The following ZNF185 variants were observed in gnomAD, a reference collection of about 807,000 sequenced individuals.
ZNF185 encodes the protein zinc finger protein 185 with LIM domain.
ZNF185 carries 56 observed loss-of-function variants against 58.6 expected under a neutral mutation model. The ratio of observed to expected loss-of-function variants is 0.95; its 90% CI spans 0.77 to 1.19. The LOEUF is 1.19. ZNF185 is among the 50% of genes most tolerant of loss of function. ZNF185 has a pLI of 0.00. For missense variants in ZNF185, 627 were observed against 573.5 expected (o/e 1.09, Z -0.95); for synonymous variants, 230 against 215.9 (o/e 1.07, Z -0.57).
intron 9 of ZNF185, 97 bp from the exon 11 acceptor site, chrX:152,922,076 G>A (rs1603206207): frequency 1.6e-5 from 14 of 897,304 alleles, no homozygotes; most frequent in Non-Finnish European, 2.2e-5. Flanking sequence ...CTGAAGGGTT[G>A]GGTCAGTTAG....
intron 15 of ZNF185, 67 bp from the exon 18 acceptor site, chrX:152,945,200 C>T (rs782727881): frequency 1.9e-4 from 212 of 1,102,908 alleles, no homozygotes; most frequent in Middle Eastern, 1.4e-3. Context: ...AGCCAGCTTG[C>T]GTCCTGGGGC....
At chrX:152,931,743 A>C in exon 13 of ZNF185, 2 of 1,210,014 alleles carry the variant, frequency 1.7e-6, no homozygotes, top group Non-Finnish European at 2.2e-6. Flanking sequence ...GCTGGTGAGG[A>C]GGCTTTCAGG....
exon 20 of ZNF185, chrX:152,967,223 C>A: frequency 8.3e-7 from 1 of 1,210,988 alleles, no homozygotes; most frequent in Non-Finnish European, 1.1e-6. Context: ...TGTGGCAGCA[C>A]TCCATACTCT....
At chrX:152,941,113 G>T (rs370801953) in intron 15 of ZNF185, among the ~76,000 whole-genome samples, 1 of 112,162 alleles carries the variant, frequency 8.9e-6, no homozygotes. Flanking sequence ...CCCAGGTAGA[G>T]ATTTGGATTT....
chrX:152,926,931 G>A (rs782318453), intron 11 of ZNF185, among the ~76,000 whole-genome samples: 3 of 112,604 alleles, frequency 2.7e-5, no homozygotes, highest in Admixed American at 9.4e-5. Flanking sequence ...TTTGTTGCCT[G>A]CAATCCTTGG....
At chrX:152,909,660 C>T (rs377196887), upstream of ZNF185, among the ~76,000 whole-genome samples, 2 of 112,675 alleles carry the variant, frequency 1.8e-5, no homozygotes, top group East Asian at 5.6e-4. Context: ...CCCCTGCCTG[C>T]TCTCCGCTTC....
intron 11 of ZNF185, among the ~76,000 whole-genome samples, chrX:152,928,208 A>G (rs782723540): frequency 9.2e-4 from 103 of 112,358 alleles, no homozygotes; most frequent in Admixed American, 3.6e-3. Flanking sequence ...CCACCAGTCC[A>G]TGAATGCAGA....
chrX:152,952,535 G>A (rs1196082064), intron 16 of ZNF185, among the ~76,000 whole-genome samples: 1 of 111,999 alleles, frequency 8.9e-6, no homozygotes, highest in African/African-American at 3.2e-5. Context: ...AGATCTAATG[G>A]CGAGCCCTCA....
intron 18 of ZNF185, 56 bp from the exon 21 acceptor site, chrX:152,965,391 C>G: frequency 2.7e-6 from 3 of 1,092,977 alleles, no homozygotes; most frequent in Non-Finnish European, 3.7e-6. Flanking sequence ...TGGGCCAGGC[C>G]TGGTTCCCTG....
upstream of ZNF185, among the ~76,000 whole-genome samples, chrX:152,914,021 G>GGCACAC (rs1937807078): frequency 2.7e-5 from 3 of 110,889 alleles, no homozygotes; most frequent in Non-Finnish European, 3.8e-5. Flanking sequence ...CTCTCCACAG[G>GGCACAC]CCATCTGCCT....
At chrX:152,905,834 GGGGACTCCCCTCCCCTCCA>G in the ZNF185 span, among the ~76,000 whole-genome samples, 1 of 105,130 alleles carries the variant, frequency 9.5e-6, no homozygotes, top group Non-Finnish European at 2.0e-5. Context: ...CTCCCCTCCA[GGGGACTCCCCTCCCCTCCA>G]GGGACTCCCC....
the ZNF185 span, among the ~76,000 whole-genome samples, chrX:152,903,896 G>A: frequency 8.2e-3 from 910 of 111,602 alleles, 7 homozygotes; most frequent in Non-Finnish European, 0.012. Context: ...TGCCTTAAAA[G>A]TCTGCCTCCC....
chrX:152,913,886 T>C (rs1937775472), upstream of ZNF185, among the ~76,000 whole-genome samples: 1 of 111,511 alleles, frequency 9.0e-6, no homozygotes, highest in African/African-American at 3.3e-5. Flanking sequence ...TTAACTATCA[T>C]TTTACAAATG....
At chrX:152,934,650 C>A (rs1350410617) in intron 14 of ZNF185, among the ~76,000 whole-genome samples, 5 of 111,862 alleles carry the variant, frequency 4.5e-5, no homozygotes, top group Non-Finnish European at 9.4e-5. Flanking sequence ...CTCCTGTACC[C>A]TTTAAAGCAT....
At chrX:152,906,421 A>G in the ZNF185 span, among the ~76,000 whole-genome samples, 4 of 113,421 alleles carry the variant, frequency 3.5e-5, no homozygotes, top group African/African-American at 1.3e-4. Context: ...GCTTGCAGAC[A>G]GAGCTTTCCT....
rs369157412 is a variant in ZNF185, at chrX:152,922,153, G to A, written c.657-20G>A. Reference sequence around the variant, plus strand: ...GGCAGCCAAGAAGACCACGAGCGCTGTTTCTCTTCTTGCTCAAAGGGTGGA... The same window carrying A: ...GGCAGCCAAGAAGACCACGAGCGCTATTTCTCTTCTTGCTCAAAGGGTGGA... On this transcript the variant is annotated intron_variant, in intron 9 of 22. Transcript: ENST00000449285. 13 of 1,183,073 alleles carry A rather than the reference G, an allele frequency of 1.1e-5. No individual in the cohort carries two copies. In the African/African-American group the frequency reaches 1.4e-4, roughly 13 times the overall value.
chrX:152,939,150 A>G (rs190639023), intron 15 of ZNF185, among the ~76,000 whole-genome samples: 1 of 112,246 alleles, frequency 8.9e-6, no homozygotes, highest in African/African-American at 3.2e-5. Context: ...GGTGTTTAAA[A>G]GGTGAATGCA....
At chrX:152,933,190 C>G (rs1170982324) in intron 14 of ZNF185, among the ~76,000 whole-genome samples, 1 of 112,822 alleles carries the variant, frequency 8.9e-6, no homozygotes, top group Non-Finnish European at 1.9e-5. Context: ...CACTGGCCCT[C>G]AAGCTCCTCC....
rs782640958 is a variant in ZNF185 at position 152,939,809 on chromosome X, G to C, written c.1211+1646G>C. On this transcript the variant is annotated intron_variant, in intron 15 of 22. Coordinates refer to ENST00000449285, the Ensembl canonical transcript of ZNF185. ...TTTTTTTTTTTTTTTTTGAGACAGA[G>C]TTTTGCTTTGTCGCCCCAGCTGGGG... Among the ~76,000 whole-genome samples, 335 of 73,102 alleles carry C rather than the reference G, an allele frequency of 4.6e-3. 1 individual carries two copies. In the Middle Eastern group the frequency reaches 0.053, roughly 11 times the overall value. 63.5% of individuals were successfully genotyped at this position (73,102 alleles called of 115,157 possible).
Sources: allele counts gnomAD v4.1 joint callset (sites outside exome capture counted in the v4.1 genomes callset), GRCh38; gene constraint gnomAD v4.1.1; transcripts MANE v1.5; gene names NCBI Gene and HGNC (gene_info 2026-07-23, HGNC 2026-07-21).